OGN: variants seen among roughly 807,000 people sequenced by gnomAD.
OGN encodes the protein osteoglycin.
Under a neutral mutation model 30.8 loss-of-function variants are expected in OGN, and 19 were observed. The observed-to-expected ratio is 0.62, with a 90% CI of 0.43 to 0.90. OGN has a LOEUF of 0.90. Among genes scored for constraint, OGN ranks in the 40% least tolerant of loss-of-function variants. OGN has a pLI of 0.00. For synonymous variants in OGN, 126 were observed against 128.3 expected (o/e 0.98, Z 0.12); for missense variants, 283 against 349.7 (o/e 0.81, Z 1.52).
At position 92,403,264 on chromosome 9, in the gene OGN, C is replaced by T. The variant is rs972275277; in HGVS notation, c.144G>A (p.Glu48=). 8 of 1,598,796 alleles carry T rather than the reference C, an allele frequency of 5.0e-6. No individual in the cohort carries two copies. The highest frequency in any genetic ancestry group is 6.8e-6 in the Non-Finnish European group (8 of 1,168,198). ...TATTTTTTCCATCCAGGTATTTATC[C>T]TCATAATCTTGGCTAAATATGGATT... is the stretch of plus-strand genomic sequence containing the variant. ...FEESIFSQDY[E]DKYLDGKNIK... Residue 48 remains glutamate (E), a synonymous_variant, in exon 2 of 7, where the codon GAG becomes GAA. Coordinates refer to ENST00000375561, the MANE Select transcript of OGN (RefSeq NM_014057.5).
rs1027360368 is a variant in OGN at position 92,383,391 on chromosome 9, T to C, written c.*2229A>G. Reference sequence around the variant, plus strand: ...AGTCTGCATATCATATTGGATAGTATTGTTGTCTTAACAACATTAAATCTT... The same window carrying C: ...AGTCTGCATATCATATTGGATAGTACTGTTGTCTTAACAACATTAAATCTT... On this transcript the variant is annotated 3_prime_UTR_variant, in exon 7 of 7. Transcript: ENST00000375561. Among the ~76,000 whole-genome samples the C allele has an allele frequency of 2.6e-5, 4 of 152,334 alleles. No individual in the cohort carries two copies. The highest frequency in any genetic ancestry group is 5.9e-5 in the Non-Finnish European group (4 of 68,028).
At chr9:92,393,323 T>C (rs1842764633) in intron 3 of OGN, 79 bp from the exon 4 acceptor site, 3 of 1,069,786 alleles carry the variant, frequency 2.8e-6, no homozygotes, top group Non-Finnish European at 2.7e-6. Flanking sequence ...TTATTGCTAT[T>C]ATGAATGCTA....
chr9:92,390,198 A>G (rs1259627788), intron 4 of OGN, 142 bp from the exon 5 acceptor site: 3 of 573,444 alleles, frequency 5.2e-6, no homozygotes, highest in Non-Finnish European at 9.1e-6. Context: ...ATAGCCCAGT[A>G]AAGTTTTGTG....
At chr9:92,402,223 C>A (rs144816732) in intron 2 of OGN, among the ~76,000 whole-genome samples, 1 of 151,936 alleles carries the variant, frequency 6.6e-6, no homozygotes, top group South Asian at 2.1e-4. Context: ...ATTAGTAATA[C>A]CTATCCTTTG....
At chr9:92,403,506 C>T in intron 1 of OGN, 24 bp from the exon 2 acceptor site, 4 of 1,470,186 alleles carry the variant, frequency 2.7e-6, no homozygotes, top group Middle Eastern at 1.9e-4. Context: ...TTCAGACCAT[C>T]GAAGCAATAT....
chr9:92,394,698 G>A (rs1345471646), intron 3 of OGN, among the ~76,000 whole-genome samples: 2 of 150,760 alleles, frequency 1.3e-5, no homozygotes, highest in Admixed American at 6.6e-5. Flanking sequence ...TCCGCCTCCC[G>A]GGTTCAAGCA....
Position 92,385,550 on chromosome 9 carries a change from T to A in OGN, c.*70A>T, listed in dbSNP as rs1842383890. ...GTTAATATTAAACCAATACTTAAGT[T>A]CCTTTACTCATTGTTGAGACAGACT... is the stretch of plus-strand genomic sequence containing the variant. On this transcript the variant is annotated 3_prime_UTR_variant, in exon 7 of 7. Transcript: ENST00000375561. 4 of 1,320,412 alleles carry A rather than the reference T, an allele frequency of 3.0e-6. No homozygotes were observed. The highest frequency in any genetic ancestry group is 4.3e-6 in the Non-Finnish European group (4 of 938,798). The allele number at this position is 1,320,412 out of a possible 1,614,324, so 81.8% of individuals were successfully genotyped here.
intron 4 of OGN, among the ~76,000 whole-genome samples, chr9:92,391,082 C>A (rs1466960578): frequency 6.6e-6 from 1 of 151,644 alleles, no homozygotes; most frequent in Non-Finnish European, 1.5e-5. Flanking sequence ...CTGGCCAACA[C>A]AGCGCAACCT....
Position 92,383,337 on chromosome 9 carries a change from T to C in OGN, c.*2283A>G, listed in dbSNP as rs567823350. The stretch of plus-strand genomic sequence containing the variant: ...GTTCCATTTTATTTGTGTGAAAGCA[T>C]CATTGAGATTTTGATGGCAACTGTG... On this transcript the variant is annotated 3_prime_UTR_variant, in exon 7 of 7. Coordinates refer to ENST00000375561, the MANE Select transcript of OGN (RefSeq NM_014057.5). Among the ~76,000 whole-genome samples, 1 of 152,322 alleles carries C rather than the reference T, an allele frequency of 6.6e-6. No homozygotes were observed. The highest frequency in any genetic ancestry group is 2.1e-4 in the South Asian group (1 of 4,826).
chr9:92,404,451 C>G, intron 1 of OGN, 45 bp downstream of exon 1: 1 of 1,206,562 alleles, frequency 8.3e-7, no homozygotes, highest in South Asian at 1.4e-5. Context: ...GTCAGTCGCA[C>G]TTTAACAAAC....
intron 3 of OGN, among the ~76,000 whole-genome samples, chr9:92,395,700 C>T (rs1842864755): frequency 6.6e-6 from 1 of 152,054 alleles, no homozygotes; most frequent in Non-Finnish European, 1.5e-5. Flanking sequence ...TTAATTTTAG[C>T]AATTGAAATG....
intron 2 of OGN, 102 bp from the exon 3 acceptor site, chr9:92,401,287 A>G (rs560763973): frequency 1.5e-5 from 9 of 601,892 alleles, no homozygotes; most frequent in African/African-American, 1.3e-4. Flanking sequence ...AATTAGTGGC[A>G]TTTCCTTTGT....
At position 92,393,069 on chromosome 9, in the gene OGN, A is replaced by C; in HGVS notation, c.427+17T>G. On this transcript the variant is annotated intron_variant, in intron 4 of 6. Transcript: ENST00000375561. ...TAATACGAGTTAATACTAATATCATATTTCAGCTTAACTTACGTATGTCTG... is the reference window on the plus strand; with the variant it reads ...TAATACGAGTTAATACTAATATCATCTTTCAGCTTAACTTACGTATGTCTG... The C allele has an allele frequency of 6.2e-7, 1 of 1,606,366 alleles. No homozygotes were observed. The highest frequency in any genetic ancestry group is 8.5e-7 in the Non-Finnish European group (1 of 1,174,526).
Position 92,385,441 on chromosome 9 carries a change from T to C in OGN, c.*179A>G. On this transcript the variant is annotated 3_prime_UTR_variant, in exon 7 of 7. Transcript: ENST00000375561. ...TATTACTTTGTTTCGAACGTAGACA[T>C]TCAGTCTTACTTTTTACTTATTATA... is the stretch of plus-strand genomic sequence containing the variant. 1 of 558,856 alleles carries C rather than the reference T, an allele frequency of 1.8e-6. No homozygotes were observed. 34.6% of individuals were successfully genotyped at this position (558,856 alleles called of 1,614,324 possible).
intron 2 of OGN, among the ~76,000 whole-genome samples, chr9:92,402,174 G>A (rs1564301491): frequency 6.6e-6 from 1 of 152,144 alleles, no homozygotes; most frequent in African/African-American, 2.4e-5. Flanking sequence ...AATAGCCTAT[G>A]TTATGATGGG....
intron 3 of OGN, among the ~76,000 whole-genome samples, chr9:92,395,392 A>G (rs2025389): frequency 0.42 from 63,303 of 152,010 alleles, 15,793 homozygotes; most frequent in East Asian, 0.8. Context: ...GTAGTATTCA[A>G]TTGTCTCAAT....
chr9:92,396,584 G>A lies in OGN; in HGVS notation c.269-3340C>T, dbSNP rs562568814. 8.9e-5 allele frequency among the ~76,000 whole-genome samples: 13 copies of A among 145,634 alleles called. 1 individual carries two copies. Among genetic ancestry groups the A allele is most frequent in the African/African-American group, 3.3e-4 (13 of 39,158 alleles). The stretch of plus-strand genomic sequence containing the variant: ...CATACCTTTATTTTTTTTTTTTTGA[G>A]ACAAGATCTCATGCTGTCACTCAGG... On this transcript the variant is annotated intron_variant, in intron 3 of 6. Transcript: ENST00000375561.
intron 5 of OGN, among the ~76,000 whole-genome samples, chr9:92,386,579 G>A (rs1842431085): frequency 6.6e-6 from 1 of 151,990 alleles, no homozygotes; most frequent in South Asian, 2.1e-4. Flanking sequence ...CGGCTCTAAT[G>A]CCAACTTCTG....
intron 4 of OGN, 31 bp from the exon 5 acceptor site, chr9:92,390,087 C>T (rs377017780): frequency 2.2e-5 from 28 of 1,281,042 alleles, no homozygotes; most frequent in East Asian, 7.0e-5. Flanking sequence ...AAAACAACTA[C>T]GTAAGTAAAA....
Sources: gnomAD v4.1 joint callset for allele counts (sites outside exome capture counted in the v4.1 genomes callset) on GRCh38, gnomAD v4.1.1 for gene constraint, MANE v1.5 for transcripts, NCBI Gene and HGNC (gene_info 2026-07-23, HGNC 2026-07-21) for gene names.